The following PDCD5 variants were observed in gnomAD, a reference collection of about 807,000 sequenced individuals.
PDCD5 encodes programmed cell death protein 5.
In PDCD5, 23 loss-of-function variants were observed where a neutral mutation model predicts 21.9. That is an observed-to-expected ratio of 1.05 (90% CI 0.76 to 1.49). The LOEUF is 1.49. Ranked by LOEUF, PDCD5 falls within the 40% of genes most tolerant of loss-of-function variation. PDCD5 has a pLI of 0.00. For synonymous variants in PDCD5, 45 were observed against 49.4 expected (o/e 0.91, Z 0.37); for missense variants, 152 against 147.7 (o/e 1.03, Z -0.15).
intron 2 of PDCD5, 107 bp from the exon 3 acceptor site, chr19:32,584,843 C>T (rs1216161214): frequency 9.6e-6 from 8 of 835,782 alleles, no homozygotes; most frequent in South Asian, 4.1e-5. Context: ...GTTTGTATAC[C>T]GCAGGCCCCA....
intron 5 of PDCD5, 127 bp downstream of exon 5, chr19:32,587,056 T>C (rs1173026757): frequency 2.1e-6 from 2 of 953,054 alleles, no homozygotes; most frequent in Non-Finnish European, 3.2e-6. Flanking sequence ...ACGTGAAAGT[T>C]TGGGGAGAAA....
rs894607527 is a variant in PDCD5 at position 32,581,217 on chromosome 19, G to T, written c.-45G>T. 1.4e-6 allele frequency: 2 copies of T among 1,404,958 alleles called. No individual in the cohort carries two copies. The highest frequency in any genetic ancestry group is 6.0e-5 in the East Asian group (2 of 33,572). The allele number at this position is 1,404,958 out of a possible 1,614,324, so 87.0% of individuals were successfully genotyped here. On this transcript the variant is annotated 5_prime_UTR_variant, in exon 1 of 6. Transcript: ENST00000590247. ...TGGTCAAGGCCGCGCTCGCGCCGAG[G>T]GGCTGCGAGAGTGACCGCGGCTGCT...
At chr19:32,582,476 G>A (rs551421846) in intron 2 of PDCD5, among the ~76,000 whole-genome samples, 147 of 152,148 alleles carry the variant, frequency 9.7e-4, no homozygotes, top group Admixed American at 3.0e-3. Context: ...CCTTAAAAAT[G>A]AGCCTGATAA....
At chr19:32,582,310 G>A (rs1216370294) in intron 2 of PDCD5, 78 bp downstream of exon 2, 1 of 1,273,730 alleles carries the variant, frequency 7.9e-7, no homozygotes, top group African/African-American at 1.5e-5. Flanking sequence ...TTTTAAGCAG[G>A]TGTGTGACTC....
Position 32,582,317 on chromosome 19 carries a change from ACT to A in PDCD5, c.104+87_104+88del, listed in dbSNP as rs1182877381. On this transcript the variant is annotated intron_variant, in intron 2 of 5. Coordinates refer to ENST00000590247, the MANE Select transcript of PDCD5 (RefSeq NM_004708.4). ...TGTAGTTATTTTAAGCAGGTGTGTGACTCAGATTTTTTTGTTTTGCTGGAATG... is the reference window on the plus strand; with the variant it reads ...TGTAGTTATTTTAAGCAGGTGTGTGACAGATTTTTTTGTTTTGCTGGAATG... 19 of 1,236,276 alleles carry A rather than the reference ACT, an allele frequency of 1.5e-5. No homozygotes were observed. In the Admixed American group the frequency reaches 3.8e-4, roughly 25 times the overall value. The allele number at this position is 1,236,276 out of a possible 1,614,324, so 76.6% of individuals were successfully genotyped here.
intron 1 of PDCD5, chr19:32,581,575 C>G (rs1316207307): frequency 2.8e-6 from 1 of 353,432 alleles, no homozygotes; most frequent in African/African-American, 2.1e-5. Context: ...GTGGGGTCCC[C>G]TAGCCTGGAG....
chr19:32,587,422 A>G lies in PDCD5; in HGVS notation c.*122A>G, dbSNP rs977144921. ...AAAAAATAAACTTGTTATGCAAAAT[A>G]AAACATTTGGGTAAGTTGTTTTAGT... On this transcript the variant is annotated 3_prime_UTR_variant, in exon 6 of 6. Coordinates refer to ENST00000590247, the MANE Select transcript of PDCD5 (RefSeq NM_004708.4). 1.5e-5 allele frequency: 9 copies of G among 620,182 alleles called. No individual in the cohort carries two copies. The highest frequency in any genetic ancestry group is 2.4e-5 in the Non-Finnish European group (9 of 373,856). 38.4% of individuals were successfully genotyped at this position (620,182 alleles called of 1,614,324 possible).
chr19:32,585,571 G>A (rs1004410729), intron 3 of PDCD5, among the ~76,000 whole-genome samples: 3 of 152,144 alleles, frequency 2.0e-5, no homozygotes, highest in African/African-American at 7.2e-5. Context: ...CAGGAAGCAT[G>A]GTGCTTAGAA....
At chr19:32,586,269 T>G (rs1971475474) in intron 4 of PDCD5, 6 of 1,418,696 alleles carry the variant, frequency 4.2e-6, no homozygotes, top group Non-Finnish European at 4.6e-6. Flanking sequence ...TAAGATGCCT[T>G]GCTTATGTTC....
intron 1 of PDCD5, chr19:32,581,803 T>A (rs7251953): frequency 0.15 from 36,653 of 237,786 alleles, 8,461 homozygotes; most frequent in African/African-American, 0.58. Context: ...GAAGCTTGGA[T>A]GGATCACACG....
In PDCD5 at chr19:32,584,538, A is replaced by G. The variant is rs1971458219; in HGVS notation, c.105-412A>G. Reference sequence around the variant, plus strand: ...TGGCCACAGTTACCTATGTCTCTTTAGCATAGCCTCCTGGATCTCAGCTTT... The same window carrying G: ...TGGCCACAGTTACCTATGTCTCTTTGGCATAGCCTCCTGGATCTCAGCTTT... On this transcript the variant is annotated intron_variant, in intron 2 of 5. Coordinates refer to ENST00000590247, the MANE Select transcript of PDCD5 (RefSeq NM_004708.4). 4.6e-5 allele frequency among the ~76,000 whole-genome samples: 7 copies of G among 152,190 alleles called. No individual in the cohort carries two copies. The South Asian group carries it at 1.4e-3, about 32-fold the overall frequency.
At position 32,587,440 on chromosome 19, in the gene PDCD5, G is replaced by T; in HGVS notation, c.*140G>T. On this transcript the variant is annotated 3_prime_UTR_variant, in exon 6 of 6. Transcript: ENST00000590247. ...GCAAAATAAAACATTTGGGTAAGTT[G>T]TTTTAGTATCATAGCCAAGTGGCCA... The T allele has an allele frequency of 1.8e-6, 1 of 548,638 alleles. No individual in the cohort carries two copies. Among genetic ancestry groups the T allele is most frequent in the Non-Finnish European group, 3.1e-6 (1 of 320,222 alleles). The allele number at this position is 548,638 out of a possible 1,614,324, so 34.0% of individuals were successfully genotyped here.
intron 2 of PDCD5, chr19:32,584,730 GGTAGGTT>G: frequency 1.8e-6 from 1 of 543,444 alleles, no homozygotes; most frequent in Non-Finnish European, 3.3e-6. Context: ...CTTCCAGCCT[GGTAGGTT>G]GTCACCTGTG....
At position 32,587,393 on chromosome 19, in the gene PDCD5, T is replaced by C. The variant is rs1971488230; in HGVS notation, c.*93T>C. The stretch of plus-strand genomic sequence containing the variant: ...TACTTTGTTTATTGTCTATATGCCT[T>C]TTAAAAAAATAAACTTGTTATGCAA... On this transcript the variant is annotated 3_prime_UTR_variant, in exon 6 of 6. Transcript: ENST00000590247. 1 of 784,194 alleles carries C rather than the reference T, an allele frequency of 1.3e-6. No individual in the cohort carries two copies. The highest frequency in any genetic ancestry group is 2.7e-5 in the Admixed American group (1 of 36,432). The allele number at this position is 784,194 out of a possible 1,614,324, so 48.6% of individuals were successfully genotyped here.
intron 4 of PDCD5, 157 bp from the exon 5 acceptor site, chr19:32,586,701 T>C: frequency 4.5e-6 from 6 of 1,332,704 alleles, no homozygotes; most frequent in African/African-American, 1.5e-5. Context: ...CTTAAACCAA[T>C]AGTTATAACC....
chr19:32,584,885 C>A (rs1047732428), intron 2 of PDCD5, 65 bp from the exon 3 acceptor site: 2 of 1,313,516 alleles, frequency 1.5e-6, no homozygotes, highest in South Asian at 1.2e-5. Context: ...GGTTCTTTCT[C>A]GTATGTTACA....
chr19:32,586,927 AAAGT>A lies in PDCD5; in HGVS notation c.330+3_330+6del, dbSNP rs1271530868. ...ACAAACAGAAAAGACAACAACAGTG[AAAGT>A]AAGTGTCCCCAGATGCTTGTGGCAA... On this transcript the variant is annotated splice_donor_variant and coding_sequence_variant, in exon 5 of 6. Transcript: ENST00000590247. LOFTEE classifies it high-confidence loss of function. 1.2e-6 allele frequency: 2 copies of A among 1,609,540 alleles called. No individual in the cohort carries two copies. Among genetic ancestry groups the A allele is most frequent in the Non-Finnish European group, 1.7e-6 (2 of 1,176,890 alleles).
chr19:32,586,575 G>GT (rs1377579243), intron 4 of PDCD5: 1 of 1,163,032 alleles, frequency 8.6e-7, no homozygotes, highest in Non-Finnish European at 1.1e-6. Context: ...CACTCAGCTA[G>GT]TGATGATAAA....
intron 1 of PDCD5, 51 bp downstream of exon 1, chr19:32,581,378 GC>G: frequency 1.5e-6 from 2 of 1,338,352 alleles, no homozygotes; most frequent in South Asian, 2.9e-5. Flanking sequence ...CGCCGCCCTC[GC>G]CCGGAGTGTA....
Sources: allele counts gnomAD v4.1 joint callset (sites outside exome capture counted in the v4.1 genomes callset), GRCh38; gene constraint gnomAD v4.1.1; transcripts MANE v1.5; gene names NCBI Gene and HGNC (gene_info 2026-07-23, HGNC 2026-07-21).